Variants in MX2 observed in about 807,000 individuals in gnomAD.
MX2 encodes the protein interferon-induced GTP-binding protein Mx2.
MX2 carries 51 observed loss-of-function variants against 74.0 expected under a neutral mutation model. The ratio of observed to expected loss-of-function variants is 0.69; its 90% CI spans 0.55 to 0.87. The LOEUF (loss-of-function observed/expected upper bound fraction) is 0.87, where lower values mean the gene tolerates loss of function less well. Among genes scored for constraint, MX2 ranks in the 40% least tolerant of loss-of-function variants. MX2 has a pLI of 0.00. For synonymous variants in MX2, 369 were observed against 339.3 expected (o/e 1.09, Z -0.96); for missense variants, 832 against 908.7 (o/e 0.92, Z 1.09).
intron 6 of MX2, among the ~76,000 whole-genome samples, chr21:41,393,110 CAAAAAA>C (rs373955778): frequency 3.0e-4 from 18 of 60,096 alleles, no homozygotes; most frequent in African/African-American, 8.5e-4. Flanking sequence ...CTCAAAAAAG[CAAAAAA>C]AAAAAAAAAA....
Position 41,406,784 on chromosome 21 carries a change from C to T in MX2, c.1691C>T (p.Ala564Val), listed in dbSNP as rs751475145. 1.2e-6 allele frequency: 2 copies of T among 1,614,212 alleles called. No homozygotes were observed. The highest frequency in any genetic ancestry group is 1.7e-6 in the Non-Finnish European group (2 of 1,180,038). The change falls in exon 13 of 14, where the codon GCA becomes GTA. Residue 564 changes from alanine to valine, a missense_variant. By Grantham distance (64) the Ala-to-Val change is moderately conservative (BLOSUM62 0). Coordinates refer to ENST00000330714, the MANE Select transcript of MX2 (RefSeq NM_002463.2). ...ATAAAAGTGAAACACACAGCAAAGGCAGAAAACATGATCCAACTTCAGTTC... is the reference window on the plus strand; with the variant it reads ...ATAAAAGTGAAACACACAGCAAAGGTAGAAAACATGATCCAACTTCAGTTC... The part of the protein sequence containing the change: ...EDIKVKHTAK[A>V]ENMIQLQFRM...
At chr21:41,375,576 G>A (rs1179984775) in intron 1 of MX2, among the ~76,000 whole-genome samples, 1 of 152,216 alleles carries the variant, frequency 6.6e-6, no homozygotes, top group Non-Finnish European at 1.5e-5. Flanking sequence ...TGCAGTCTCT[G>A]CCTCTGTCTT....
chr21:41,363,459 A>T lies in MX2; in HGVS notation c.-72+1404A>T, dbSNP rs1312320201. Reference sequence around the variant, plus strand: ...AGGTTTAGCCCCTGCCCTAGAATGCAAGCTCCCCCAGAGATCTTTGTCTGC... The same window carrying T: ...AGGTTTAGCCCCTGCCCTAGAATGCTAGCTCCCCCAGAGATCTTTGTCTGC... On this transcript the variant is annotated intron_variant, in intron 1 of 13. Transcript: ENST00000330714. The surrounding 1 kb of genome is among the most constrained non-coding windows in gnomAD (Gnocchi z 4.2). 6.6e-6 allele frequency: 1 copy of T among 152,332 alleles called. No individual in the cohort carries two copies. Among genetic ancestry groups the T allele is most frequent in the Non-Finnish European group, 1.5e-5 (1 of 68,062 alleles). 9.4% of individuals were successfully genotyped at this position (152,332 alleles called of 1,614,324 possible).
chr21:41,382,072 G>A (rs1236793397), intron 4 of MX2, among the ~76,000 whole-genome samples: 4 of 152,326 alleles, frequency 2.6e-5, no homozygotes, highest in Non-Finnish European at 5.9e-5. Flanking sequence ...AATGTTGAAG[G>A]ATTTGTGGAC....
intron 12 of MX2, chr21:41,404,139 C>T (rs2089854305): frequency 6.1e-6 from 1 of 164,024 alleles, no homozygotes; most frequent in African/African-American, 2.4e-5. Flanking sequence ...AAGCACTCGG[C>T]TGCAGGCCCA....
At chr21:41,365,368 T>C (rs1462505908) in intron 1 of MX2, 1 of 152,248 alleles carries the variant, frequency 6.6e-6, no homozygotes. Context: ...TTTTTGCTCC[T>C]CTCCTTCCTC....
chr21:41,405,422 G>A (rs368281388), intron 12 of MX2, among the ~76,000 whole-genome samples: 8 of 152,128 alleles, frequency 5.3e-5, no homozygotes, highest in East Asian at 3.9e-4. Flanking sequence ...GTGTCGGCAT[G>A]GTCAGGTGGC....
At chr21:41,404,842 C>G (rs1276707400) in intron 12 of MX2, 6 of 130,340 alleles carry the variant, frequency 4.6e-5, no homozygotes, top group African/African-American at 1.8e-4. Flanking sequence ...TCCCAAGAAT[C>G]TATTTTTCTT....
At position 41,394,465 on chromosome 21, in the gene MX2, C is replaced by T. The variant is rs1220193908; in HGVS notation, c.872-1122C>T. Among the ~76,000 whole-genome samples the T allele has an allele frequency of 2.6e-5, 4 of 152,188 alleles. No individual in the cohort carries two copies. The East Asian group carries it at 7.7e-4, about 29-fold the overall frequency. On this transcript the variant is annotated intron_variant, in intron 6 of 13. Coordinates refer to ENST00000330714, the MANE Select transcript of MX2 (RefSeq NM_002463.2). ...GTCCACCCAACTTGAGACTACATCACGCACCGCTGCCCACGGTCATTTGCC... is the reference window on the plus strand; with the variant it reads ...GTCCACCCAACTTGAGACTACATCATGCACCGCTGCCCACGGTCATTTGCC...
At chr21:41,394,818 G>A (rs1294378277) in intron 6 of MX2, among the ~76,000 whole-genome samples, 3 of 152,070 alleles carry the variant, frequency 2.0e-5, no homozygotes, top group African/African-American at 7.2e-5. Flanking sequence ...GCACATGCCT[G>A]TAGTCCCCGC....
At chr21:41,373,505 G>A (rs576149592) in intron 1 of MX2, among the ~76,000 whole-genome samples, 2 of 152,184 alleles carry the variant, frequency 1.3e-5, no homozygotes, top group African/African-American at 4.8e-5. Context: ...TCTCCAGCCC[G>A]AGGCCCTTTG....
intron 7 of MX2, among the ~76,000 whole-genome samples, chr21:41,396,405 C>G (rs573229671): frequency 6.6e-6 from 1 of 152,192 alleles, no homozygotes; most frequent in Non-Finnish European, 1.5e-5. Context: ...AGCACTTTTC[C>G]CCTTCATTCT....
In MX2 at chr21:41,382,521, C is replaced by T. The variant is rs1258108571; in HGVS notation, c.689C>T (p.Thr230Ile). 1 of 1,614,104 alleles carries T rather than the reference C, an allele frequency of 6.2e-7. No individual in the cohort carries two copies. Among genetic ancestry groups the T allele is most frequent in the East Asian group, 2.2e-5 (1 of 44,900 alleles). ...DLTIIDLPGI[T>I]RVAVDNQPRD... Reference sequence around the variant, plus strand: ...ACCATCATTGACCTTCCCGGCATCACCAGGGTGGCTGTGGACAACCAGCCC... The same window carrying T: ...ACCATCATTGACCTTCCCGGCATCATCAGGGTGGCTGTGGACAACCAGCCC... Residue 230 changes from threonine to isoleucine, a missense_variant, in exon 5 of 14, where the codon ACC becomes ATC. Coordinates refer to ENST00000330714, the MANE Select transcript of MX2 (RefSeq NM_002463.2).
intron 8 of MX2, among the ~76,000 whole-genome samples, chr21:41,398,043 C>T (rs971146724): frequency 6.6e-6 from 1 of 152,138 alleles, no homozygotes; most frequent in East Asian, 1.9e-4. Flanking sequence ...GGCATGGTGG[C>T]TCATGCCTGT....
intron 3 of MX2, among the ~76,000 whole-genome samples, chr21:41,378,470 TTG>T (rs1364299489): frequency 6.6e-6 from 1 of 152,252 alleles, no homozygotes; most frequent in African/African-American, 2.4e-5. Flanking sequence ...CTAGTGGTCT[TTG>T]TAAGAATGTA....
chr21:41,403,531 T>G, intron 12 of MX2, 188 bp downstream of exon 12: 1 of 752,602 alleles, frequency 1.3e-6, no homozygotes, highest in Non-Finnish European at 2.5e-6. Context: ...TGGCTTCTGC[T>G]CAGGAGGCGG....
chr21:41,379,025 A>T (rs1006839149), intron 3 of MX2, among the ~76,000 whole-genome samples: 1 of 152,224 alleles, frequency 6.6e-6, no homozygotes, highest in Non-Finnish European at 1.5e-5. Context: ...GCCCCCTGCA[A>T]CAACCGCAAA....
rs372057134 is a variant in MX2, at chr21:41,395,697, C to T, written c.982C>T (p.Arg328Trp). Reference protein sequence around the residue: ...LKKGYMIVKCRGQQEITNRLS... With the variant: ...LKKGYMIVKCWGQQEITNRLS... ...GAAGGGCTACATGATTGTGAAGTGC[C>T]GGGGCCAGCAGGAGATCACAAACAG... The change falls in exon 7 of 14, where the codon CGG becomes TGG. Residue 328 changes from arginine to tryptophan, a missense_variant. Arg to Trp is a moderately radical substitution (Grantham distance 101). Transcript: ENST00000330714. The T allele has an allele frequency of 5.6e-6, 9 of 1,614,020 alleles. No homozygotes were observed. The East Asian group carries it at 8.9e-5, about 16-fold the overall frequency.
chr21:41,395,903 GC>G (rs2089728759), intron 7 of MX2, 118 bp downstream of exon 7: 1 of 946,906 alleles, frequency 1.1e-6, no homozygotes, highest in Non-Finnish European at 1.6e-6. Context: ...GTATAACCTA[GC>G]CTCACCTGAT....
Sources: gnomAD v4.1 joint callset for allele counts (sites outside exome capture counted in the v4.1 genomes callset) on GRCh38, gnomAD v4.1.1 for gene constraint, Gnocchi (gnomAD v3.1) non-coding constraint, MANE v1.5 for transcripts, NCBI Gene and HGNC (gene_info 2026-07-23, HGNC 2026-07-21) for gene names.